Variants in CFAP418 observed in about 807,000 individuals in gnomAD.
CFAP418 encodes the protein cilia- and flagella-associated protein 418.
Under a neutral mutation model 24.7 loss-of-function variants are expected in CFAP418, and 27 were observed. That is an observed-to-expected ratio of 1.09 (90% confidence interval 0.81 to 1.51). The LOEUF is 1.51. CFAP418 is among the 40% of genes most tolerant of loss of function. CFAP418 has a pLI of 0.00. For synonymous variants in CFAP418, 74 were observed against 87.3 expected (o/e 0.85, Z 0.85); for missense variants, 257 against 255.2 (o/e 1.01, Z -0.05).
chr8:95,268,088 T>A (rs1318525104), intron 1 of CFAP418, among the ~76,000 whole-genome samples: 3 of 152,220 alleles, frequency 2.0e-5, no homozygotes, highest in Non-Finnish European at 4.4e-5. Context: ...GACGGTTTAA[T>A]GTTCACAATA....
intron 2 of CFAP418, among the ~76,000 whole-genome samples, chr8:95,263,352 C>G (rs1363176325): frequency 2.0e-5 from 3 of 151,560 alleles, no homozygotes; most frequent in African/African-American, 7.3e-5. Context: ...AAGCACATTC[C>G]TACAATGAAA....
intron 4 of CFAP418, among the ~76,000 whole-genome samples, chr8:95,254,732 T>C (rs1481656783): frequency 6.6e-6 from 1 of 152,222 alleles, no homozygotes; most frequent in Admixed American, 6.5e-5. Flanking sequence ...GATGTCTGGA[T>C]AGTTTGAAGA....
intron 5 of CFAP418, 25 bp downstream of exon 5, chr8:95,252,163 A>G: frequency 6.5e-7 from 1 of 1,546,590 alleles, no homozygotes; most frequent in Non-Finnish European, 8.9e-7. Context: ...TACTTTTTTC[A>G]GAGTGAAGTT....
intron 4 of CFAP418, among the ~76,000 whole-genome samples, chr8:95,252,933 T>C (rs1419569069): frequency 2.6e-5 from 4 of 152,196 alleles, no homozygotes; most frequent in African/African-American, 9.7e-5. Flanking sequence ...AGGTGCACAC[T>C]AACATATATA....
rs529202150 is a variant in CFAP418, at chr8:95,266,893, CA to C, written c.155+2141del. 9.8e-5 allele frequency among the ~76,000 whole-genome samples: 15 copies of C among 152,346 alleles called. No homozygotes were observed. In the East Asian group the frequency reaches 2.9e-3, roughly 29 times the overall value. ...ACAACCCATGGTTGGAGAAGATCCA[CA>C]TAAATAGTCCTTTCCATTTTGAGCA... On this transcript the variant is annotated intron_variant, in intron 1 of 5. Coordinates refer to ENST00000286688, the MANE Select transcript of CFAP418 (RefSeq NM_177965.4).
rs1441379693 is a variant in CFAP418 at position 95,247,705 on chromosome 8, T to C, written c.536A>G (p.Tyr179Cys). The part of the protein sequence containing the change: ...KLIKKKGTRA[Y>C]ACQCSWRTIE... ...AGTTCTCCAGCTACACTGGCAGGCA[T>C]ATGCCCGTGTTCCTTTCTTCTTTAT... The change falls in exon 6 of 6, where the codon TAT becomes TGT. Residue 179 changes from tyrosine (Y) to cysteine (C), a missense_variant. By Grantham distance (194) the Tyr-to-Cys change is radical. Transcript: ENST00000286688. 4 of 1,614,020 alleles carry C rather than the reference T, an allele frequency of 2.5e-6. No homozygotes were observed. The East Asian group carries it at 8.9e-5, about 36-fold the overall frequency.
intron 4 of CFAP418, among the ~76,000 whole-genome samples, chr8:95,255,424 T>C (rs1811772669): frequency 6.6e-6 from 1 of 152,202 alleles, no homozygotes; most frequent in African/African-American, 2.4e-5. Context: ...TAACTCCTAC[T>C]CATTTTTCAT....
chr8:95,267,415 C>T (rs994795847), intron 1 of CFAP418, among the ~76,000 whole-genome samples: 1 of 152,106 alleles, frequency 6.6e-6, no homozygotes, highest in African/African-American at 2.4e-5. Flanking sequence ...TCCTGGCTAA[C>T]ACGGTGAAAC....
chr8:95,252,340 G>A (rs1811722320), intron 4 of CFAP418, 57 bp from the exon 5 acceptor site: 4 of 1,105,654 alleles, frequency 3.6e-6, no homozygotes, highest in Non-Finnish European at 4.1e-6. Flanking sequence ...AAATACCAAT[G>A]AAAACATGGT....
chr8:95,255,395 A>G lies in CFAP418; in HGVS notation c.375-3112T>C, dbSNP rs560306925. ...TAAACATGCGTGTGCTCTGGCTCCA[A>G]TGGTCACCTCTCTTTGTCTAACTCC... On this transcript the variant is annotated intron_variant, in intron 4 of 5. Coordinates refer to ENST00000286688, the MANE Select transcript of CFAP418 (RefSeq NM_177965.4). 3.9e-5 allele frequency among the ~76,000 whole-genome samples: 6 copies of G among 152,198 alleles called. No homozygotes were observed. The South Asian group carries it at 1.0e-3, about 26-fold the overall frequency.
chr8:95,261,926 A>G (rs1335406644), intron 2 of CFAP418, among the ~76,000 whole-genome samples: 1 of 152,220 alleles, frequency 6.6e-6, no homozygotes, highest in Non-Finnish European at 1.5e-5. Context: ...ATTTTTTTCT[A>G]CCATTAATTA....
At chr8:95,265,546 A>G (rs1276064481) in intron 1 of CFAP418, among the ~76,000 whole-genome samples, 1 of 152,070 alleles carries the variant, frequency 6.6e-6, no homozygotes, top group African/African-American at 2.4e-5. Flanking sequence ...CCAATTCCTT[A>G]TATTTCTTTT....
chr8:95,262,872 C>G lies in CFAP418; in HGVS notation c.243+815G>C, dbSNP rs80274539. Among the ~76,000 whole-genome samples the G allele has an allele frequency of 2.6e-3, 402 of 152,250 alleles. 2 individuals are homozygous for G. Among genetic ancestry groups the G allele is most frequent in the African/African-American group, 9.5e-3 (393 of 41,552 alleles). ...TTTTCTCCGATTAAAAAAAAGGTAT[C>G]TGATGAAGCACTATTTGTAATAGCA... is the stretch of plus-strand genomic sequence containing the variant. On this transcript the variant is annotated intron_variant, in intron 2 of 5. Transcript: ENST00000286688.
At chr8:95,256,614 G>A (rs1184422890) in intron 4 of CFAP418, among the ~76,000 whole-genome samples, 1 of 152,220 alleles carries the variant, frequency 6.6e-6, no homozygotes, top group Non-Finnish European at 1.5e-5. Flanking sequence ...CAGGCCACAG[G>A]AGTAATCATT....
In CFAP418 at chr8:95,247,624, T is replaced by C. The variant is rs761050642; in HGVS notation, c.617A>G (p.Lys206Arg). 4 of 1,614,202 alleles carry C rather than the reference T, an allele frequency of 2.5e-6. No homozygotes were observed. The South Asian group carries it at 3.3e-5, about 13-fold the overall frequency. ...TDHQLRWVCG[K>R]H ...AATGTGCAGTCTGCATTCTTAATGT[T>C]TACCACAAACCCAGCGAAGCTGATG... Residue 206 changes from lysine (K) to arginine (R), a missense_variant, in exon 6 of 6, where the codon AAA becomes AGA. By Grantham distance (26) the Lys-to-Arg change is conservative. Transcript: ENST00000286688.
chr8:95,267,345 T>C (rs1051040528), intron 1 of CFAP418, among the ~76,000 whole-genome samples: 1 of 152,196 alleles, frequency 6.6e-6, no homozygotes, highest in Non-Finnish European at 1.5e-5. Flanking sequence ...CTCATGCCTG[T>C]AATCCCAGCA....
rs116565088 is a variant in CFAP418, at chr8:95,253,351, C to T, written c.375-1068G>A. ...GGAGCAAAATGTAGAAAGTTATATA[C>T]TACACAGTAACCCTGGTTGCATCAG... On this transcript the variant is annotated intron_variant, in intron 4 of 5. Coordinates refer to ENST00000286688, the MANE Select transcript of CFAP418 (RefSeq NM_177965.4). Among the ~76,000 whole-genome samples the T allele has an allele frequency of 1.0e-2, 1,516 of 152,150 alleles. 22 individuals are homozygous for T. Among genetic ancestry groups the T allele is most frequent in the African/African-American group, 0.034 (1,427 of 41,538 alleles).
Position 95,259,825 on chromosome 8 carries a change from T to C in CFAP418, c.374+15A>G. 1 of 1,598,184 alleles carries C rather than the reference T, an allele frequency of 6.3e-7. No individual in the cohort carries two copies. The highest frequency in any genetic ancestry group is 8.5e-7 in the Non-Finnish European group (1 of 1,172,706). ...AAACCTAGTAAGAAAGTATAATACATTTCTGACAACCTACCTCCATGAAAT... is the reference window on the plus strand; with the variant it reads ...AAACCTAGTAAGAAAGTATAATACACTTCTGACAACCTACCTCCATGAAAT... On this transcript the variant is annotated intron_variant, in intron 4 of 5. Transcript: ENST00000286688.
rs1349268631 is a variant in CFAP418 at position 95,263,616 on chromosome 8, TC to T, written c.243+70del. Reference sequence around the variant, plus strand: ...AGATAATGGGTAGCTACTTGTGTCATCTTTAAGACTATTCTAAACATGTCTT... The same window carrying T: ...AGATAATGGGTAGCTACTTGTGTCATTTTAAGACTATTCTAAACATGTCTT... On this transcript the variant is annotated intron_variant, in intron 2 of 5. Transcript: ENST00000286688. 8.4e-5 allele frequency: 79 copies of T among 935,994 alleles called. No homozygotes were observed. In the Middle Eastern group the frequency reaches 3.9e-3, roughly 47 times the overall value. The allele number at this position is 935,994 out of a possible 1,614,324, so 58.0% of individuals were successfully genotyped here. A position where few individuals can be genotyped will look rare whatever the true frequency, so the allele number is the denominator to read the frequency against.
Sources: gnomAD v4.1 joint callset for allele counts (sites outside exome capture counted in the v4.1 genomes callset) on GRCh38, gnomAD v4.1.1 for gene constraint, MANE v1.5 for transcripts, NCBI Gene and HGNC (gene_info 2026-07-23, HGNC 2026-07-21) for gene names.